CLEC16A: variants seen among roughly 807,000 people sequenced by gnomAD.
CLEC16A encodes C-type lectin domain containing 16A.
Under a neutral mutation model 109.5 loss-of-function variants are expected in CLEC16A, and 51 were observed. The ratio of observed to expected loss-of-function variants is 0.47; its 90% CI spans 0.37 to 0.59. The LOEUF (loss-of-function observed/expected upper bound fraction) is 0.59, where lower values mean the gene tolerates loss of function less well. CLEC16A is among the 20% of genes least tolerant of loss of function. The probability of loss-of-function intolerance (pLI) is 0.00; values close to 1 mark genes in which losing one functional copy is unlikely to be tolerated. For missense variants in CLEC16A, 1,339 were observed against 1,394.0 expected (o/e 0.96, Z 0.63); for synonymous variants, 673 against 564.2 (o/e 1.19, Z -2.73).
At chr16:11,077,102 T>C (rs1048842285) in intron 19 of CLEC16A, among the ~76,000 whole-genome samples, 3 of 152,054 alleles carry the variant, frequency 2.0e-5, no homozygotes, top group African/African-American at 7.2e-5. Flanking sequence ...CCCAGGACTT[T>C]GGGAGGCTGA....
intron 22 of CLEC16A, among the ~76,000 whole-genome samples, chr16:11,128,456 A>G (rs1315720631): frequency 6.6e-6 from 1 of 152,196 alleles, no homozygotes; most frequent in African/African-American, 2.4e-5. Flanking sequence ...GGCTGTGCCA[A>G]CTGGGACAAC....
At chr16:11,141,352 G>T (rs2053818545) in intron 22 of CLEC16A, among the ~76,000 whole-genome samples, 1 of 152,256 alleles carries the variant, frequency 6.6e-6, no homozygotes, top group South Asian at 2.1e-4. Flanking sequence ...CCCCCGTGCA[G>T]AGGACAGCTC....
chr16:11,015,273 C>T (rs2045675370), intron 11 of CLEC16A, among the ~76,000 whole-genome samples: 1 of 151,256 alleles, frequency 6.6e-6, no homozygotes, highest in East Asian at 2.0e-4. Flanking sequence ...GTGGAAATCC[C>T]ATTTTGTGTG....
chr16:11,024,759 G>C (rs1328716828), intron 12 of CLEC16A, 62 bp from the exon 13 acceptor site: 2 of 1,301,888 alleles, frequency 1.5e-6, no homozygotes, highest in South Asian at 1.3e-5. Flanking sequence ...GTGCAGGTTA[G>C]AGAGGGGAGG....
chr16:11,030,310 T>TAA (rs1263906770), intron 13 of CLEC16A, among the ~76,000 whole-genome samples: 1 of 152,210 alleles, frequency 6.6e-6, no homozygotes, highest in Admixed American at 6.5e-5. Context: ...TTATGGGAGA[T>TAA]ATGTGTATGT....
rs543913202 is a variant in CLEC16A at position 11,156,142 on chromosome 16, A to C, written c.2642-10246A>C. Among the ~76,000 whole-genome samples, 3 of 152,284 alleles carry C rather than the reference A, an allele frequency of 2.0e-5. No individual in the cohort carries two copies. In the South Asian group the frequency reaches 6.2e-4, roughly 32 times the overall value. ...TTTGGGAGGCCAAGACGGCTGGATC[A>C]CCTGAGGTCAGGAGTTTGAGACCAG... is the stretch of plus-strand genomic sequence containing the variant. On this transcript the variant is annotated intron_variant, in intron 22 of 23. Transcript: ENST00000409790.
intron 11 of CLEC16A, among the ~76,000 whole-genome samples, chr16:11,018,151 T>A (rs2045873640): frequency 6.6e-6 from 1 of 151,212 alleles, no homozygotes; most frequent in South Asian, 2.1e-4. Flanking sequence ...CTACAAATAC[T>A]AAAAAATTAG....
chr16:11,034,310 CTT>C (rs1464405226), intron 13 of CLEC16A, among the ~76,000 whole-genome samples: 4 of 152,154 alleles, frequency 2.6e-5, no homozygotes, highest in African/African-American at 7.2e-5. Flanking sequence ...GCCAAGGAGA[CTT>C]TGTGTGGTCA....
intron 13 of CLEC16A, chr16:11,027,215 T>G: frequency 7.0e-7 from 1 of 1,434,744 alleles, no homozygotes; most frequent in Non-Finnish European, 9.7e-7. Context: ...AGCAGAAACC[T>G]GACAAGGTGC....
intron 22 of CLEC16A, among the ~76,000 whole-genome samples, chr16:11,148,904 G>A (rs962011919): frequency 1.3e-5 from 2 of 152,210 alleles, no homozygotes; most frequent in South Asian, 4.1e-4. Context: ...TTCTGTGTAG[G>A]AGGCAGGATG....
intron 19 of CLEC16A, among the ~76,000 whole-genome samples, chr16:11,093,504 C>G (rs997193983): frequency 2.0e-5 from 3 of 152,194 alleles, no homozygotes; most frequent in Non-Finnish European, 2.9e-5. Flanking sequence ...TCTGCCCGGA[C>G]TCAAGGGTTG....
intron 3 of CLEC16A, 131 bp from the exon 4 acceptor site, chr16:10,969,030 A>C: frequency 1.5e-6 from 1 of 660,892 alleles, no homozygotes; most frequent in South Asian, 2.1e-5. Context: ...AGCTCTTCCC[A>C]GTTAGTGTGT....
chr16:11,128,461 G>A (rs997107106), intron 22 of CLEC16A, among the ~76,000 whole-genome samples: 1 of 152,212 alleles, frequency 6.6e-6, no homozygotes, highest in African/African-American at 2.4e-5. Flanking sequence ...TGCCAACTGG[G>A]ACAACAGCAA....
chr16:10,962,175 C>T (rs2042279998), intron 2 of CLEC16A, among the ~76,000 whole-genome samples: 2 of 151,972 alleles, frequency 1.3e-5, no homozygotes, highest in South Asian at 2.1e-4. Flanking sequence ...GGGTCTTGAA[C>T]TGGCCTCAAG....
At chr16:11,157,850 C>A (rs976798062) in intron 22 of CLEC16A, among the ~76,000 whole-genome samples, 1 of 152,170 alleles carries the variant, frequency 6.6e-6, no homozygotes, top group African/African-American at 2.4e-5. Flanking sequence ...GGTAGCCCCC[C>A]ACTGAGTAGC....
At chr16:10,967,404 T>C (rs1403495268) in intron 3 of CLEC16A, among the ~76,000 whole-genome samples, 1 of 152,030 alleles carries the variant, frequency 6.6e-6, no homozygotes, top group Non-Finnish European at 1.5e-5. Flanking sequence ...ATTTTCTTTG[T>C]TTGTTTTGTT....
At chr16:10,958,411 A>G (rs1348265670) in intron 2 of CLEC16A, among the ~76,000 whole-genome samples, 1 of 152,134 alleles carries the variant, frequency 6.6e-6, no homozygotes, top group Admixed American at 6.5e-5. Context: ...GCGGTGGAAA[A>G]GTGACACACC....
Position 11,001,295 on chromosome 16 carries a change from A to G in CLEC16A, c.1072-1779A>G, listed in dbSNP as rs1387982647. Among the ~76,000 whole-genome samples, 4 of 152,324 alleles carry G rather than the reference A, an allele frequency of 2.6e-5. 1 individual carries two copies. Among genetic ancestry groups the G allele is most frequent in the Non-Finnish European group, 2.9e-5 (2 of 68,020 alleles). ...GAGATGGGGTTTTGCCATGTTGCCCAGGCTGGTCTTCAAATCCTTGGCTCA... is the reference window on the plus strand; with the variant it reads ...GAGATGGGGTTTTGCCATGTTGCCCGGGCTGGTCTTCAAATCCTTGGCTCA... On this transcript the variant is annotated intron_variant, in intron 10 of 23. Transcript: ENST00000409790.
At chr16:11,130,248 G>A (rs1034907042) in intron 22 of CLEC16A, among the ~76,000 whole-genome samples, 1 of 152,172 alleles carries the variant, frequency 6.6e-6, no homozygotes, top group African/African-American at 2.4e-5. Context: ...GAATGAGCCT[G>A]CATTTGTTAT....
Sources: allele counts gnomAD v4.1 joint callset (sites outside exome capture counted in the v4.1 genomes callset), GRCh38; gene constraint gnomAD v4.1.1; transcripts MANE v1.5; gene names NCBI Gene and HGNC (gene_info 2026-07-23, HGNC 2026-07-21).